The following ARHGAP26 variants were observed in gnomAD, a reference collection of about 807,000 sequenced individuals.
ARHGAP26 encodes Rho GTPase activating protein 26, also known as rho GTPase-activating protein 26.
Under a neutral mutation model 104.8 loss-of-function variants are expected in ARHGAP26, and 38 were observed. The observed-to-expected ratio is 0.36, with a 90% CI of 0.28 to 0.48. The LOEUF (loss-of-function observed/expected upper bound fraction) is 0.48. ARHGAP26 is among the 20% of genes least tolerant of loss of function. The pLI, the probability that ARHGAP26 is intolerant of heterozygous loss-of-function variation, is 0.99. For synonymous variants in ARHGAP26, 341 were observed against 340.0 expected, an observed-to-expected ratio of 1.00 and a Z score of -0.03; for missense variants, 704 against 947.9, an observed-to-expected ratio of 0.74 and a Z score of 3.38.
At chr5:142,888,965 G>T (rs1005196096) in intron 5 of ARHGAP26, among the ~76,000 whole-genome samples, 4 of 152,164 alleles carry the variant, frequency 2.6e-5, no homozygotes, top group African/African-American at 7.2e-5. Context: ...TGTCTTGAGC[G>T]GTCTGCAGGG....
At chr5:143,219,594 G>T (rs553401798) in intron 22 of ARHGAP26, among the ~76,000 whole-genome samples, 2 of 152,340 alleles carry the variant, frequency 1.3e-5, no homozygotes, top group South Asian at 4.1e-4. Flanking sequence ...AGGAAGTGGG[G>T]CTTCAGCTAA....
chr5:143,154,944 G>A (rs1422948693), intron 20 of ARHGAP26, among the ~76,000 whole-genome samples: 1 of 152,024 alleles, frequency 6.6e-6, no homozygotes, highest in Non-Finnish European at 1.5e-5. Context: ...TACTAGAATT[G>A]TCTCTATTTG....
chr5:143,207,084 T>C (rs1464758400), intron 20 of ARHGAP26, 114 bp from the exon 21 acceptor site: 5 of 1,292,230 alleles, frequency 3.9e-6, no homozygotes, highest in Non-Finnish European at 5.4e-6. Flanking sequence ...TCCCTGGGTT[T>C]CGGTGCTCCT....
intron 1 of ARHGAP26, among the ~76,000 whole-genome samples, chr5:142,816,045 G>A (rs1186858586): frequency 6.6e-6 from 1 of 151,814 alleles, no homozygotes. Context: ...CCGTCCACCC[G>A]CCTGGGCCTT....
At chr5:142,819,521 G>T (rs1453675513) in intron 1 of ARHGAP26, among the ~76,000 whole-genome samples, 2 of 152,220 alleles carry the variant, frequency 1.3e-5, no homozygotes, top group African/African-American at 2.4e-5. Flanking sequence ...GAGTTTGCCA[G>T]AATAGACAGC....
At chr5:142,813,225 G>A (rs1267846042) in intron 1 of ARHGAP26, among the ~76,000 whole-genome samples, 1 of 152,194 alleles carries the variant, frequency 6.6e-6, no homozygotes, top group Non-Finnish European at 1.5e-5. Context: ...ACAGGCGTGA[G>A]CCACCAAATT....
intron 20 of ARHGAP26, among the ~76,000 whole-genome samples, chr5:143,185,700 G>T (rs1323802504): frequency 6.6e-6 from 1 of 152,214 alleles, no homozygotes; most frequent in Non-Finnish European, 1.5e-5. Context: ...CTGTTTACCA[G>T]ACACGGTGCC....
At chr5:143,222,284 C>G (rs200719618) in intron 22 of ARHGAP26, 74 bp from the exon 23 acceptor site, 3 of 908,440 alleles carry the variant, frequency 3.3e-6, no homozygotes, top group South Asian at 3.8e-5. Flanking sequence ...CACACACACA[C>G]CCCACACACA....
intron 11 of ARHGAP26, among the ~76,000 whole-genome samples, chr5:142,974,646 C>A (rs1039537384): frequency 4.6e-5 from 7 of 152,232 alleles, no homozygotes; most frequent in African/African-American, 1.7e-4. Context: ...CCTCCACATT[C>A]AAGCCTTCTG....
intron 11 of ARHGAP26, among the ~76,000 whole-genome samples, chr5:142,968,167 G>A (rs575804341): frequency 1.4e-3 from 214 of 152,100 alleles, no homozygotes; most frequent in African/African-American, 4.7e-3. Flanking sequence ...ACTCTATGAG[G>A]TAGGTCGTAT....
intron 3 of ARHGAP26, among the ~76,000 whole-genome samples, chr5:142,876,746 C>T (rs1756158899): frequency 7.2e-6 from 1 of 139,208 alleles, no homozygotes; most frequent in South Asian, 2.3e-4. Flanking sequence ...CATTGCACTC[C>T]AGCCTGGGCA....
intron 1 of ARHGAP26, among the ~76,000 whole-genome samples, chr5:142,822,766 G>A (rs757847344): frequency 6.6e-6 from 1 of 152,132 alleles, no homozygotes; most frequent in Non-Finnish European, 1.5e-5. Context: ...TCTTCATCTG[G>A]AACCTTGGAC....
intron 1 of ARHGAP26, among the ~76,000 whole-genome samples, chr5:142,808,719 A>G (rs1322375767): frequency 1.3e-5 from 2 of 152,140 alleles, no homozygotes; most frequent in Non-Finnish European, 2.9e-5. Context: ...TGCCTAGAGC[A>G]TGGTCCATCT....
intron 3 of ARHGAP26, among the ~76,000 whole-genome samples, chr5:142,877,424 T>C (rs951943213): frequency 6.6e-6 from 1 of 151,300 alleles, no homozygotes; most frequent in African/African-American, 2.4e-5. Context: ...GTAGTAAATA[T>C]GAGTTCCTCA....
chr5:143,012,558 T>TATATATATATATATAC (rs1189016683), intron 11 of ARHGAP26, among the ~76,000 whole-genome samples: 11 of 72,408 alleles, frequency 1.5e-4, no homozygotes, highest in Admixed American at 3.3e-4. Flanking sequence ...CATACATATA[T>TATATATATATATATAC]ATATATATAT....
chr5:143,144,082 G>A (rs1005165084), intron 19 of ARHGAP26, among the ~76,000 whole-genome samples: 3 of 152,120 alleles, frequency 2.0e-5, no homozygotes, highest in Non-Finnish European at 4.4e-5. Flanking sequence ...ATGGTCCTCT[G>A]TGATCTTGTT....
At chr5:143,010,546 C>T (rs1297001598) in intron 11 of ARHGAP26, among the ~76,000 whole-genome samples, 2 of 152,212 alleles carry the variant, frequency 1.3e-5, no homozygotes, top group African/African-American at 4.8e-5. Context: ...TCACAAAGTC[C>T]TGGTAAGCAG....
intron 20 of ARHGAP26, among the ~76,000 whole-genome samples, chr5:143,200,099 T>TG (rs1367460297): frequency 6.6e-6 from 1 of 152,178 alleles, no homozygotes; most frequent in Non-Finnish European, 1.5e-5. Context: ...CGTACATCAC[T>TG]GAAAAGACCA....
rs1212682440 is a variant in ARHGAP26 at position 143,190,629 on chromosome 5, C to CAAAAGCACAATTTAAAA, written c.1989-16567_1989-16551dup. Among the ~76,000 whole-genome samples, 5 of 151,950 alleles carry CAAAAGCACAATTTAAAA rather than the reference C, an allele frequency of 3.3e-5. No homozygotes were observed. In the East Asian group the frequency reaches 9.7e-4, roughly 29 times the overall value. On this transcript the variant is annotated intron_variant, in intron 20 of 22. Transcript: ENST00000645722. ...TTAGGCAAATACTTAGATTTAACAT[C>CAAAAGCACAATTTAAAA]AAAAGCACAATTTAAAAAGAAAAAA...
Sources: allele counts gnomAD v4.1 joint callset (sites outside exome capture counted in the v4.1 genomes callset), GRCh38; gene constraint gnomAD v4.1.1; transcripts MANE v1.5; gene names NCBI Gene and HGNC (gene_info 2026-07-23, HGNC 2026-07-21).